The following COTL1 variants were observed in gnomAD, a reference collection of about 807,000 sequenced individuals.
The protein encoded by COTL1 is coactosin-like protein.
In COTL1, 15 loss-of-function variants were observed where a neutral mutation model predicts 16.5. The observed-to-expected ratio is 0.91, with a 90% CI of 0.61 to 1.40. The LOEUF (loss-of-function observed/expected upper bound fraction) is 1.40. Ranked by LOEUF, COTL1 falls within the 40% of genes most tolerant of loss-of-function variation. COTL1 has a pLI of 0.00. For missense variants in COTL1, 220 were observed against 201.5 expected, an observed-to-expected ratio of 1.09 and a Z score of -0.56; for synonymous variants, 112 against 85.3, an observed-to-expected ratio of 1.31 and a Z score of -1.73.
intron 3 of COTL1, among the ~76,000 whole-genome samples, chr16:84,579,824 G>C (rs1904539415): frequency 6.6e-6 from 1 of 152,234 alleles, no homozygotes; most frequent in Non-Finnish European, 1.5e-5. Flanking sequence ...GAAGAGAAGA[G>C]GGGGAGGAAA....
chr16:84,599,871 G>GC (rs1649782822), intron 2 of COTL1, among the ~76,000 whole-genome samples: 1 of 152,218 alleles, frequency 6.6e-6, no homozygotes, highest in Non-Finnish European at 1.5e-5. Context: ...ACATCCTGCT[G>GC]CCCAGAGCAA....
intron 3 of COTL1, chr16:84,567,269 C>T: frequency 3.9e-6 from 1 of 255,772 alleles, no homozygotes; most frequent in South Asian, 5.7e-5. Flanking sequence ...TGGCCAAGTC[C>T]CTTCAATTCT....
intron 3 of COTL1, among the ~76,000 whole-genome samples, chr16:84,574,710 A>G (rs112335578): frequency 6.6e-6 from 1 of 151,794 alleles, no homozygotes; most frequent in Non-Finnish European, 1.5e-5. Context: ...CTACCTCCTG[A>G]GTAGCTGGGA....
At chr16:84,587,743 G>T (rs1904765061) in intron 3 of COTL1, among the ~76,000 whole-genome samples, 1 of 151,986 alleles carries the variant, frequency 6.6e-6, no homozygotes, top group East Asian at 1.9e-4. Flanking sequence ...ACTGACAGGG[G>T]GACCACAGGA....
At chr16:84,617,618 C>T in intron 1 of COTL1, 35 bp from the exon 2 acceptor site, 2 of 1,531,016 alleles carry the variant, frequency 1.3e-6, no homozygotes, top group South Asian at 2.4e-5. Context: ...CACACACACA[C>T]ATCAGCGCTG....
chr16:84,607,731 T>A (rs8052336), intron 2 of COTL1, among the ~76,000 whole-genome samples: 1 of 151,912 alleles, frequency 6.6e-6, no homozygotes, highest in Non-Finnish European at 1.5e-5. Context: ...GGGGGAGCAA[T>A]CTGACCTGAA....
rs901992887 is a variant in COTL1, at chr16:84,618,061, G to C, written c.-147C>G. The C allele has an allele frequency of 4.2e-6, 1 of 236,954 alleles. No individual in the cohort carries two copies. Among genetic ancestry groups the C allele is most frequent in the African/African-American group, 2.3e-5 (1 of 42,644 alleles). The allele number at this position is 236,954 out of a possible 1,614,324, so 14.7% of individuals were successfully genotyped here. A position where few individuals can be genotyped will look rare whatever the true frequency, so the allele number is the denominator to read the frequency against. ...TACGCGGCGCCTGCAAGCTGCGAGC[G>C]CGGCGGCGGCTTCCACTGCGGACGG... is the stretch of plus-strand genomic sequence containing the variant. On this transcript the variant is annotated 5_prime_UTR_variant, in exon 1 of 4. Coordinates refer to ENST00000262428, the MANE Select transcript of COTL1 (RefSeq NM_021149.5).
rs146603579 is a variant in COTL1, at chr16:84,614,191, C to T, written c.160+3310G>A. On this transcript the variant is annotated intron_variant, in intron 2 of 3. Coordinates refer to ENST00000262428, the MANE Select transcript of COTL1 (RefSeq NM_021149.5). ...CACTGGGCATTTCTCACCGCCCTCGCAAGGTCTCTGACCATCCCAGGCGAA... is the reference window on the plus strand; with the variant it reads ...CACTGGGCATTTCTCACCGCCCTCGTAAGGTCTCTGACCATCCCAGGCGAA... Among the ~76,000 whole-genome samples the T allele has an allele frequency of 5.3e-3, 809 of 152,346 alleles. 3 individuals carry two copies. The highest frequency in any genetic ancestry group is 0.014 in the Middle Eastern group (4 of 294).
chr16:84,585,616 T>A (rs1344832465), intron 3 of COTL1, among the ~76,000 whole-genome samples: 1 of 152,080 alleles, frequency 6.6e-6, no homozygotes, highest in Admixed American at 6.6e-5. Flanking sequence ...AATGGGCCCA[T>A]CTGGAAGGTC....
chr16:84,572,058 C>A (rs554917933), intron 3 of COTL1, among the ~76,000 whole-genome samples: 1 of 152,266 alleles, frequency 6.6e-6, no homozygotes, highest in African/African-American at 2.4e-5. Flanking sequence ...CAACAACCTC[C>A]ACACCTCTCC....
At chr16:84,573,392 C>T (rs915493286) in intron 3 of COTL1, among the ~76,000 whole-genome samples, 4 of 152,180 alleles carry the variant, frequency 2.6e-5, no homozygotes, top group African/African-American at 9.7e-5. Context: ...AATCATGAAT[C>T]GCAGAGCATT....
chr16:84,616,699 G>A (rs192499295), intron 2 of COTL1, among the ~76,000 whole-genome samples: 2 of 152,076 alleles, frequency 1.3e-5, no homozygotes, highest in South Asian at 2.1e-4. Context: ...TGCCACTACC[G>A]AAGGGTTTAT....
chr16:84,603,849 A>T (rs1442257574), intron 2 of COTL1, among the ~76,000 whole-genome samples: 2 of 151,914 alleles, frequency 1.3e-5, no homozygotes, highest in Admixed American at 1.3e-4. Context: ...GACATGAAAC[A>T]AAAGTGATCA....
intron 2 of COTL1, among the ~76,000 whole-genome samples, chr16:84,614,718 G>C (rs536316321): frequency 6.6e-6 from 1 of 152,166 alleles, no homozygotes; most frequent in Non-Finnish European, 1.5e-5. Flanking sequence ...CCGAACCAGA[G>C]TGGAACCTTT....
intron 2 of COTL1, among the ~76,000 whole-genome samples, chr16:84,591,131 T>G (rs868007877): frequency 1.3e-5 from 2 of 152,090 alleles, no homozygotes; most frequent in African/African-American, 4.8e-5. Flanking sequence ...CTATGCTAAG[T>G]TCCCCCACCC....
chr16:84,570,697 C>T (rs1310021055), intron 3 of COTL1, among the ~76,000 whole-genome samples: 1 of 152,198 alleles, frequency 6.6e-6, no homozygotes, highest in Admixed American at 6.5e-5. Flanking sequence ...GTTCTTTCCT[C>T]TCTGCTCGGT....
At chr16:84,603,862 A>C (rs1480513903) in intron 2 of COTL1, among the ~76,000 whole-genome samples, 1 of 151,912 alleles carries the variant, frequency 6.6e-6, no homozygotes, top group Non-Finnish European at 1.5e-5. Context: ...AGTGATCAGA[A>C]TAAAATGCGC....
intron 3 of COTL1, among the ~76,000 whole-genome samples, chr16:84,581,093 G>C (rs2326328): frequency 0.36 from 55,103 of 151,926 alleles, 11,073 homozygotes; most frequent in African/African-American, 0.54. Context: ...AGTGAGCCAA[G>C]ATGTCGCCAC....
chr16:84,571,313 G>A (rs1026176344), intron 3 of COTL1, among the ~76,000 whole-genome samples: 10 of 152,208 alleles, frequency 6.6e-5, no homozygotes, highest in African/African-American at 1.9e-4. Context: ...GGAGGACACT[G>A]GAGGTCCGGG....
Sources: allele counts gnomAD v4.1 joint callset (sites outside exome capture counted in the v4.1 genomes callset), GRCh38; gene constraint gnomAD v4.1.1; transcripts MANE v1.5; gene names NCBI Gene and HGNC (gene_info 2026-07-23, HGNC 2026-07-21).